Variants in MCF2 observed in about 807,000 individuals in gnomAD.
The protein encoded by MCF2 is MCF.2 cell line derived transforming sequence.
Under a neutral mutation model 82.5 loss-of-function variants are expected in MCF2, and 44 were observed. The observed-to-expected ratio is 0.53, with a 90% CI of 0.42 to 0.69. The LOEUF is 0.69. MCF2 is among the 30% of genes least tolerant of loss of function. The pLI, the probability that MCF2 is intolerant of heterozygous loss-of-function variation, is 0.00. For missense variants in MCF2, 623 were observed against 663.1 expected (o/e 0.94, Z 0.66); for synonymous variants, 217 against 224.9 (o/e 0.96, Z 0.32).
chrX:139,680,103 T>C (rs1285611568), intron 1 of MCF2, among the ~76,000 whole-genome samples: 1 of 111,742 alleles, frequency 8.9e-6, no homozygotes, highest in East Asian at 2.8e-4. Flanking sequence ...TTAATCTCCA[T>C]CTTTACTTAT....
chrX:139,634,386 A>G (rs889714825), intron 1 of MCF2, among the ~76,000 whole-genome samples: 3 of 111,796 alleles, frequency 2.7e-5, no homozygotes, highest in Non-Finnish European at 3.8e-5. Flanking sequence ...AATAAAGTCT[A>G]TTTTAAAATA....
chrX:139,584,340 T>C (rs1928759502), intron 24 of MCF2, among the ~76,000 whole-genome samples: 1 of 110,176 alleles, frequency 9.1e-6, no homozygotes, highest in Admixed American at 9.7e-5. Flanking sequence ...TACCCTCTTA[T>C]ACTAACAGTA....
chrX:139,655,301 C>T (rs149660053), intron 1 of MCF2, among the ~76,000 whole-genome samples: 375 of 110,638 alleles, frequency 3.4e-3, no homozygotes, highest in African/African-American at 0.012. Context: ...TTTGTGTGTC[C>T]TCTTCTATTT....
At chrX:139,671,705 T>G (rs1934700146) in intron 1 of MCF2, among the ~76,000 whole-genome samples, 1 of 111,998 alleles carries the variant, frequency 8.9e-6, no homozygotes, top group Non-Finnish European at 1.9e-5. Context: ...TATGCTGTTT[T>G]GGTTACTGTA....
chrX:139,612,649 A>G (rs906519565), intron 10 of MCF2, among the ~76,000 whole-genome samples: 9 of 112,022 alleles, frequency 8.0e-5, no homozygotes, highest in Non-Finnish European at 1.7e-4. Flanking sequence ...TATTTGGCTT[A>G]GCGATTAAAA....
Position 139,588,458 on chromosome X carries a change from C to A in MCF2, c.2371-20G>T. On this transcript the variant is annotated intron_variant, in intron 20 of 24. Coordinates refer to ENST00000370576, the Ensembl canonical transcript of MCF2. Reference sequence around the variant, plus strand: ...AGAAGCCTAAAGATTAAAAAAAAAGCGGGAGGGAGGTGGTACACATTTCCT... The same window carrying A: ...AGAAGCCTAAAGATTAAAAAAAAAGAGGGAGGGAGGTGGTACACATTTCCT... 1 of 1,026,519 alleles carries A rather than the reference C, an allele frequency of 9.7e-7. No individual in the cohort carries two copies. Among genetic ancestry groups the A allele is most frequent in the South Asian group, 2.0e-5 (1 of 50,810 alleles). 84.6% of individuals were successfully genotyped at this position (1,026,519 alleles called of 1,213,427 possible). A position where few individuals can be genotyped will look rare whatever the true frequency, so the allele number is the denominator to read the frequency against.
intron 1 of MCF2, among the ~76,000 whole-genome samples, chrX:139,701,158 T>C (rs1202743002): frequency 9.0e-6 from 1 of 111,695 alleles, no homozygotes; most frequent in Non-Finnish European, 1.9e-5. Flanking sequence ...TAAGATTCTA[T>C]ACCTCCTCTT....
Position 139,632,441 on chromosome X carries a change from C to T in MCF2, c.65G>A (p.Gly22Glu), listed in dbSNP as rs1369889294. ...TAAAACCAAAACCAAGTGCAAGTTC[C>T]CAGGGAAGGAAGCCTGTAGAAAGAA... The change falls in exon 2 of 25, where the codon GGG becomes GAG. Residue 22 changes from glycine to glutamate, a missense_variant. Coordinates refer to ENST00000370576, the Ensembl canonical transcript of MCF2. 3 of 1,199,084 alleles carry T rather than the reference C, an allele frequency of 2.5e-6. No homozygotes were observed. The highest frequency in any genetic ancestry group is 2.2e-6 in the Non-Finnish European group (2 of 889,621).
At chrX:139,637,292 G>T (rs1933283618) in intron 1 of MCF2, among the ~76,000 whole-genome samples, 1 of 111,323 alleles carries the variant, frequency 9.0e-6, no homozygotes, top group South Asian at 3.8e-4. Flanking sequence ...CAATTCATCT[G>T]ATTTGTCAGT....
intron 1 of MCF2, among the ~76,000 whole-genome samples, chrX:139,635,977 G>A (rs1174775902): frequency 9.0e-6 from 1 of 110,841 alleles, no homozygotes; most frequent in African/African-American, 3.3e-5. Flanking sequence ...AGTATTTAAG[G>A]AACTTAAACA....
At chrX:139,643,156 C>G (rs1328106929), upstream of MCF2, among the ~76,000 whole-genome samples, 1 of 111,678 alleles carries the variant, frequency 9.0e-6, no homozygotes, top group Non-Finnish European at 1.9e-5. Flanking sequence ...AATTCTCTCC[C>G]AAATTAACCT....
At chrX:139,692,708 C>T (rs1603309796) in intron 1 of MCF2, among the ~76,000 whole-genome samples, 2 of 112,334 alleles carry the variant, frequency 1.8e-5, no homozygotes, top group Admixed American at 1.9e-4. Flanking sequence ...TGGGCAAAGA[C>T]TCGGCGCAAG....
chrX:139,586,338 A>T, intron 23 of MCF2, 40 bp downstream of exon 27: 1 of 998,039 alleles, frequency 1.0e-6, no homozygotes. Context: ...AAAAATTTGC[A>T]CACCCATGAG....
At position 139,636,974 on chromosome X, in the gene MCF2, C is replaced by G. The variant is rs529827898; in HGVS notation, c.52-4520G>C. On this transcript the variant is annotated intron_variant, in intron 1 of 24. Transcript: ENST00000370576. ...ATTATCTTAGCATACCTTCTCATTC[C>G]TTAATTCCTTCAAAATGTTTAGTAA... Among the ~76,000 whole-genome samples, 45 of 111,418 alleles carry G rather than the reference C, an allele frequency of 4.0e-4. No homozygotes were observed. In the Middle Eastern group the frequency reaches 0.014, roughly 34 times the overall value.
chrX:139,706,366 T>G (rs1388419505), intron 1 of MCF2, among the ~76,000 whole-genome samples: 1 of 112,477 alleles, frequency 8.9e-6, no homozygotes, highest in Non-Finnish European at 1.9e-5. Flanking sequence ...ATATACATTA[T>G]GGAATACTAG....
chrX:139,612,203 C>CT (rs1931550996), intron 10 of MCF2, among the ~76,000 whole-genome samples: 1 of 110,567 alleles, frequency 9.0e-6, no homozygotes, highest in Non-Finnish European at 1.9e-5. Flanking sequence ...AGGTCCCAGG[C>CT]TTGGGCAACT....
Position 139,699,730 on chromosome X carries a change from T to G in MCF2, c.-45+8376A>C, listed in dbSNP as rs1043451121. Among the ~76,000 whole-genome samples, 5 of 112,484 alleles carry G rather than the reference T, an allele frequency of 4.4e-5. No homozygotes were observed. The East Asian group carries it at 1.4e-3, about 31-fold the overall frequency. ...TACTTCATTGTATGGCTAGACCATA[T>G]TTTGTTTATTCATTCATCAGTTGAT... On this transcript the variant is annotated intron_variant, in intron 1 of 27. Transcript: ENST00000414978.
At chrX:139,641,917 G>A (rs954405237) in intron 1 of MCF2, among the ~76,000 whole-genome samples, 1 of 111,344 alleles carries the variant, frequency 9.0e-6, no homozygotes, top group Non-Finnish European at 1.9e-5. Flanking sequence ...GAAAAAAGTT[G>A]TCAGCAGGTG....
At chrX:139,648,006 A>G (rs1247688253) in intron 2 of MCF2, among the ~76,000 whole-genome samples, 1 of 112,249 alleles carries the variant, frequency 8.9e-6, no homozygotes, top group Admixed American at 9.5e-5. Flanking sequence ...TGTAATTTTT[A>G]TTTGGCTGAA....
Sources: gnomAD v4.1 joint callset for allele counts (sites outside exome capture counted in the v4.1 genomes callset) on GRCh38, gnomAD v4.1.1 for gene constraint, MANE v1.5 for transcripts, NCBI Gene and HGNC (gene_info 2026-07-23, HGNC 2026-07-21) for gene names.